The following NSUN3 variants were observed in gnomAD, a reference collection of about 807,000 sequenced individuals.
NSUN3 encodes tRNA (cytosine(34)-C(5))-methyltransferase, mitochondrial.
In NSUN3, 24 loss-of-function variants were observed where a neutral mutation model predicts 36.8. The ratio of observed to expected loss-of-function variants is 0.65; its 90% CI spans 0.47 to 0.92. The LOEUF (loss-of-function observed/expected upper bound fraction) is 0.92, where lower values mean the gene tolerates loss of function less well. NSUN3 is among the 40% of genes least tolerant of loss of function. NSUN3 has a pLI of 0.00. For synonymous variants in NSUN3, 146 were observed against 145.2 expected (o/e 1.01, Z -0.04); for missense variants, 381 against 392.8 (o/e 0.97, Z 0.25).
intron 5 of NSUN3, among the ~76,000 whole-genome samples, chr3:94,112,237 TA>T (rs1241301416): frequency 1.3e-5 from 2 of 152,202 alleles, no homozygotes; most frequent in East Asian, 3.9e-4. Flanking sequence ...CCCAGAATAA[TA>T]CTTGACCAAA....
At chr3:94,083,753 C>T (rs2077280877) in intron 2 of NSUN3, among the ~76,000 whole-genome samples, 1 of 152,058 alleles carries the variant, frequency 6.6e-6, no homozygotes, top group Admixed American at 6.5e-5. Flanking sequence ...TTAGGGTTTT[C>T]CTTTCAATTT....
At position 94,130,851 on chromosome 3, in the gene NSUN3, G is replaced by A. The variant is rs1219530233; in HGVS notation, c.*4361G>A. 6.6e-6 allele frequency among the ~76,000 whole-genome samples: 1 copy of A among 152,154 alleles called. No homozygotes were observed. Among genetic ancestry groups the A allele is most frequent in the Non-Finnish European group, 1.5e-5 (1 of 68,012 alleles). On this transcript the variant is annotated 3_prime_UTR_variant, in exon 6 of 6. Transcript: ENST00000314622. Reference sequence around the variant, plus strand: ...GACCTTTTTTAACCTTTCCTGGTCAGGTGCCAGGCCAGTCCTGCAAAGCCA... The same window carrying A: ...GACCTTTTTTAACCTTTCCTGGTCAAGTGCCAGGCCAGTCCTGCAAAGCCA...
At chr3:94,065,770 A>G (rs1223472756) in intron 2 of NSUN3, among the ~76,000 whole-genome samples, 2 of 152,210 alleles carry the variant, frequency 1.3e-5, no homozygotes, top group Non-Finnish European at 2.9e-5. Context: ...TGTCACAGAG[A>G]TGAAGAACTG....
At position 94,097,807 on chromosome 3, in the gene NSUN3, C is replaced by T. The variant is rs868015497; in HGVS notation, c.743+2653C>T. Among the ~76,000 whole-genome samples, 171 of 152,238 alleles carry T rather than the reference C, an allele frequency of 1.1e-3. 1 individual carries two copies. The highest frequency in any genetic ancestry group is 3.9e-3 in the African/African-American group (164 of 41,540). ...TTCATATATTATTTAACTCGCTCCTCATCAGCTCATCCCACAAATTTTGGG... is the reference window on the plus strand; with the variant it reads ...TTCATATATTATTTAACTCGCTCCTTATCAGCTCATCCCACAAATTTTGGG... On this transcript the variant is annotated intron_variant, in intron 5 of 5. Coordinates refer to ENST00000314622, the MANE Select transcript of NSUN3 (RefSeq NM_022072.5).
chr3:94,087,677 TTTTGG>T (rs2077297327), intron 3 of NSUN3, among the ~76,000 whole-genome samples: 1 of 152,170 alleles, frequency 6.6e-6, no homozygotes, highest in African/African-American at 2.4e-5. Context: ...GTGATAACTT[TTTTGG>T]TTTTTTGAGA....
intron 4 of NSUN3, 150 bp downstream of exon 4, chr3:94,094,444 C>T (rs1576090868): frequency 1.4e-6 from 1 of 706,064 alleles, no homozygotes; most frequent in Non-Finnish European, 2.3e-6. Context: ...AACATGGAAG[C>T]AGTTTTCATT....
chr3:94,081,437 T>G (rs757122304), intron 2 of NSUN3, among the ~76,000 whole-genome samples: 16 of 152,304 alleles, frequency 1.1e-4, no homozygotes, highest in Non-Finnish European at 1.9e-4. Flanking sequence ...TGGCTTCTCA[T>G]CACTTAGAAG....
chr3:94,075,502 A>G (rs369589121), intron 2 of NSUN3, among the ~76,000 whole-genome samples: 34 of 152,266 alleles, frequency 2.2e-4, no homozygotes, highest in Admixed American at 1.7e-3. Context: ...TAAAAGTGAC[A>G]TCTTTCTGTA....
At chr3:94,067,537 A>G (rs1390401584) in intron 2 of NSUN3, among the ~76,000 whole-genome samples, 1 of 152,128 alleles carries the variant, frequency 6.6e-6, no homozygotes, top group Non-Finnish European at 1.5e-5. Context: ...ATCTTTTTAA[A>G]AAAATTCTCT....
At chr3:94,076,662 G>A (rs1240396296) in intron 2 of NSUN3, 11 of 1,092,540 alleles carry the variant, frequency 1.0e-5, no homozygotes, top group South Asian at 2.5e-5. Context: ...CCATGGAGAC[G>A]CAAGTCTGAG....
chr3:94,100,055 G>C (rs2077358770), intron 5 of NSUN3, among the ~76,000 whole-genome samples: 2 of 152,164 alleles, frequency 1.3e-5, no homozygotes, highest in Non-Finnish European at 2.9e-5. Flanking sequence ...ATTGATTGCA[G>C]ATCCTTATTT....
intron 3 of NSUN3, among the ~76,000 whole-genome samples, chr3:94,088,075 C>T (rs1168096800): frequency 6.6e-6 from 1 of 152,152 alleles, no homozygotes; most frequent in Non-Finnish European, 1.5e-5. Context: ...GTCCTTTTTG[C>T]ACATTCTACA....
chr3:94,098,350 T>C (rs144801863), intron 5 of NSUN3, among the ~76,000 whole-genome samples: 1 of 152,300 alleles, frequency 6.6e-6, no homozygotes, highest in Non-Finnish European at 1.5e-5. Context: ...ATATCTCCAG[T>C]TGTGAGCCAT....
At chr3:94,093,203 GTT>G (rs576886199) in intron 3 of NSUN3, among the ~76,000 whole-genome samples, 1 of 141,948 alleles carries the variant, frequency 7.0e-6, no homozygotes. Context: ...GTCACTAAAA[GTT>G]TTTTTTTTTA....
Position 94,076,442 on chromosome 3 carries a change from A to G in NSUN3, c.123-7665A>G, listed in dbSNP as rs567234556. 4 of 790,206 alleles carry G rather than the reference A, an allele frequency of 5.1e-6. No individual in the cohort carries two copies. In the South Asian group the frequency reaches 5.4e-5, roughly 11 times the overall value. The allele number at this position is 790,206 out of a possible 1,614,324, so 48.9% of individuals were successfully genotyped here. A position where few individuals can be genotyped will look rare whatever the true frequency, so the allele number is the denominator to read the frequency against. On this transcript the variant is annotated intron_variant, in intron 2 of 5. Transcript: ENST00000314622. ...AATCATAAGTTTCTGATGATCAGCA[A>G]CTGACCCAAACAGAGACTTATGGAA...
At chr3:94,100,108 T>C (rs2077358971) in intron 5 of NSUN3, among the ~76,000 whole-genome samples, 1 of 152,180 alleles carries the variant, frequency 6.6e-6, no homozygotes, top group Non-Finnish European at 1.5e-5. Flanking sequence ...ACAAATATTG[T>C]CTGGCCCCAT....
At position 94,095,136 on chromosome 3, in the gene NSUN3, T is replaced by A. The variant is rs138642369; in HGVS notation, c.725T>A (p.Leu242Gln). 38 of 1,613,846 alleles carry A rather than the reference T, an allele frequency of 2.4e-5. No homozygotes were observed. In the African/African-American group the frequency reaches 4.1e-4, roughly 18 times the overall value. Residue 242 changes from leucine (L) to glutamine (Q), a missense_variant, in exon 5 of 6, where the codon CTA becomes CAA. By Grantham distance (113) the Leu-to-Gln change is moderately radical. Transcript: ENST00000314622. ...RISQRRNLPL[L>Q]QIELLRSAIK... ...AGTCAAAGGAGGAATTTGCCTCTTC[T>A]ACAGATAGAGCTGTTAAGGTAAGGA... is the stretch of plus-strand genomic sequence containing the variant.
chr3:94,099,615 A>G (rs538382254), intron 5 of NSUN3, among the ~76,000 whole-genome samples: 1 of 152,222 alleles, frequency 6.6e-6, no homozygotes, highest in Admixed American at 6.5e-5. Context: ...GAAGCAGCCA[A>G]AATTCCTAGT....
chr3:94,107,309 G>A (rs2077393871), intron 5 of NSUN3, among the ~76,000 whole-genome samples: 1 of 151,644 alleles, frequency 6.6e-6, no homozygotes, highest in Non-Finnish European at 1.5e-5. Context: ...TGTTGTTGTT[G>A]TTTGTTTTGA....
Sources: gnomAD v4.1 joint callset for allele counts (sites outside exome capture counted in the v4.1 genomes callset) on GRCh38, gnomAD v4.1.1 for gene constraint, MANE v1.5 for transcripts, NCBI Gene and HGNC (gene_info 2026-07-23, HGNC 2026-07-21) for gene names.